Variants in DDX60L observed in about 807,000 individuals in gnomAD.
The protein encoded by DDX60L is probable ATP-dependent RNA helicase DDX60-like.
DDX60L carries 191 observed loss-of-function variants against 211.6 expected under a neutral mutation model. The ratio of observed to expected loss-of-function variants is 0.90; its 90% CI spans 0.80 to 1.02. The LOEUF is 1.02. DDX60L is among the 50% of genes least tolerant of loss of function. DDX60L has a pLI of 0.00. For missense variants in DDX60L, 2,007 were observed against 1,984.1 expected (o/e 1.01, Z -0.22); for synonymous variants, 706 against 694.1 (o/e 1.02, Z -0.27).
intron 22 of DDX60L, among the ~76,000 whole-genome samples, chr4:168,414,016 C>G (rs746456751): frequency 6.6e-6 from 1 of 152,158 alleles, no homozygotes; most frequent in Admixed American, 6.6e-5. Flanking sequence ...CACAATGGTG[C>G]TCCTATATGT....
intron 13 of DDX60L, among the ~76,000 whole-genome samples, chr4:168,429,199 C>T (rs1350226582): frequency 3.3e-5 from 5 of 152,020 alleles, no homozygotes; most frequent in Admixed American, 3.3e-4. Context: ...GGCTGGAGTG[C>T]AGTGACACGA....
At position 168,371,640 on chromosome 4, in the gene DDX60L, A is replaced by C. The variant is rs370119840; in HGVS notation, c.4900T>G (p.Cys1634Gly). The C allele has an allele frequency of 1.3e-6, 2 of 1,573,138 alleles. No homozygotes were observed. Among genetic ancestry groups the C allele is most frequent in the Non-Finnish European group, 1.7e-6 (2 of 1,158,504 alleles). Reference sequence around the variant, plus strand: ...TTTTTTTGGTCTAATCTTGTCAAGCAGTTGTGTTTATAGAAATTGAGCACA... The same window carrying C: ...TTTTTTTGGTCTAATCTTGTCAAGCCGTTGTGTTTATAGAAATTGAGCACA... ...AYVLNFYKHN[C>G]LTRLDQKNGM... The change falls in exon 36 of 38, where the codon TGC becomes GGC. Residue 1634 changes from cysteine (C) to glycine (G), a missense_variant. By Grantham distance (159) the Cys-to-Gly change is radical. Coordinates refer to ENST00000682922, the MANE Select transcript of DDX60L (RefSeq NM_001012967.3).
chr4:168,462,614 A>C (rs1757463323), intron 4 of DDX60L, among the ~76,000 whole-genome samples: 1 of 152,152 alleles, frequency 6.6e-6, no homozygotes, highest in Admixed American at 6.5e-5. Context: ...GGAGGACGAG[A>C]CCAGTCTGGC....
chr4:168,432,425 G>C (rs201596483), intron 12 of DDX60L, 30 bp downstream of exon 12: 60 of 1,303,488 alleles, frequency 4.6e-5, no homozygotes, highest in Admixed American at 6.8e-5. Context: ...ATTCATATAA[G>C]CTCTATTTTA....
intron 36 of DDX60L, chr4:168,361,417 A>G: frequency 4.5e-6 from 2 of 443,200 alleles, no homozygotes; most frequent in South Asian, 7.4e-5. Flanking sequence ...TAATTTGACC[A>G]TTATCAAAGG....
chr4:168,403,580 A>G (rs1448539022), intron 25 of DDX60L, among the ~76,000 whole-genome samples: 1 of 152,196 alleles, frequency 6.6e-6, no homozygotes, highest in Non-Finnish European at 1.5e-5. Flanking sequence ...CTCTGGGCTT[A>G]GTTTTCTTAG....
chr4:168,417,327 T>C (rs149511192), intron 19 of DDX60L, among the ~76,000 whole-genome samples: 2 of 152,298 alleles, frequency 1.3e-5, no homozygotes, highest in Non-Finnish European at 2.9e-5. Flanking sequence ...TTCCCCGCCA[T>C]GCACTCTGCT....
intron 28 of DDX60L, 43 bp downstream of exon 28, chr4:168,394,422 A>C: frequency 8.0e-7 from 1 of 1,244,312 alleles, no homozygotes; most frequent in Non-Finnish European, 1.1e-6. Flanking sequence ...CAGCATCATA[A>C]TATGCACAAC....
chr4:168,408,918 C>G (rs1748207587), intron 22 of DDX60L, among the ~76,000 whole-genome samples: 1 of 152,164 alleles, frequency 6.6e-6, no homozygotes, highest in African/African-American at 2.4e-5. Context: ...ATGAGTGTTA[C>G]AGAGAATAAA....
intron 30 of DDX60L, among the ~76,000 whole-genome samples, chr4:168,383,888 G>T (rs57612439): frequency 1.3e-5 from 2 of 152,212 alleles, no homozygotes; most frequent in East Asian, 3.9e-4. Flanking sequence ...GTCTTTGAGC[G>T]TGTTGCCAAA....
intron 1 of DDX60L, among the ~76,000 whole-genome samples, chr4:168,478,053 C>G (rs942892793): frequency 6.6e-6 from 1 of 151,438 alleles, no homozygotes; most frequent in East Asian, 1.9e-4. Context: ...CAAAATGAGA[C>G]CACATCCCTA....
chr4:168,402,213 G>A lies in DDX60L; in HGVS notation c.3339-1235C>T, dbSNP rs777421378. 2.7e-5 allele frequency among the ~76,000 whole-genome samples: 4 copies of A among 150,152 alleles called. No homozygotes were observed. In the East Asian group the frequency reaches 5.9e-4, roughly 22 times the overall value. On this transcript the variant is annotated intron_variant, in intron 25 of 37. Transcript: ENST00000682922. ...TGCACTCGCAGCTCACTGAAGCAGA[G>A]GCTATATGTCTAACTGCACTTCTAA...
intron 4 of DDX60L, chr4:168,469,359 T>C (rs1163742362): frequency 6.6e-6 from 1 of 152,102 alleles, no homozygotes; most frequent in African/African-American, 2.4e-5. Flanking sequence ...CAATCCCCCA[T>C]TCACACCACA....
At position 168,457,988 on chromosome 4, in the gene DDX60L, A is replaced by C; in HGVS notation, c.627T>G (p.Ser209Arg). The change falls in exon 6 of 38, where the codon AGT becomes AGG. Residue 209 changes from serine to arginine, a missense_variant. By Grantham distance (110) the Ser-to-Arg change is moderately radical. Coordinates refer to ENST00000682922, the MANE Select transcript of DDX60L (RefSeq NM_001012967.3). Reference sequence around the variant, plus strand: ...AGTGTTGTATGAGGCTTTTATATGCACTCTGAATCACTGTTTCATTCTGTA... The same window carrying C: ...AGTGTTGTATGAGGCTTTTATATGCCCTCTGAATCACTGTTTCATTCTGTA... ...FSKENETVIQ[S>R]AYKSLIQHLE... 6 of 1,550,238 alleles carry C rather than the reference A, an allele frequency of 3.9e-6. No homozygotes were observed. Among genetic ancestry groups the C allele is most frequent in the Non-Finnish European group, 5.3e-6 (6 of 1,142,604 alleles).
Position 168,415,447 on chromosome 4 carries a change from A to C in DDX60L, c.2940T>G (p.Phe980Leu). Residue 980 changes from phenylalanine (F) to leucine (L), a missense_variant, in exon 22 of 38, where the codon TTT (phenylalanine) becomes TTG (leucine). By Grantham distance (22) the Phe-to-Leu change is conservative. Transcript: ENST00000682922. The part of the protein sequence containing the change: ...ICSVKHDDVY[F>L]DHFHPCAALT... ...GCGCAGCACAGGGATGAAAATGATC[A>C]AAATAAACATCATCATGTTTTACTG... 2 of 1,607,972 alleles carry C rather than the reference A, an allele frequency of 1.2e-6. No individual in the cohort carries two copies. The highest frequency in any genetic ancestry group is 1.1e-5 in the South Asian group (1 of 90,172).
chr4:168,392,893 A>T (rs1315041165), intron 28 of DDX60L, among the ~76,000 whole-genome samples: 1 of 152,064 alleles, frequency 6.6e-6, no homozygotes, highest in Non-Finnish European at 1.5e-5. Context: ...ACAGTCTCAG[A>T]ATAACACTTT....
At chr4:168,445,038 C>T (rs1198777289) in intron 9 of DDX60L, among the ~76,000 whole-genome samples, 2 of 77,910 alleles carry the variant, frequency 2.6e-5, no homozygotes, top group Admixed American at 1.7e-4. Flanking sequence ...CAGAGCAGAA[C>T]TGAAGGAAAT....
intron 29 of DDX60L, 66 bp from the exon 30 acceptor site, chr4:168,384,878 T>C: frequency 6.9e-7 from 1 of 1,457,038 alleles, no homozygotes; most frequent in African/African-American, 1.4e-5. Flanking sequence ...GTCCAAAGAT[T>C]TATGACTTTA....
chr4:168,406,179 G>T (rs1164311908), intron 23 of DDX60L, 101 bp from the exon 24 acceptor site: 2 of 1,230,316 alleles, frequency 1.6e-6, no homozygotes, highest in African/African-American at 3.1e-5. Context: ...TAACAAAATT[G>T]CAAACTCCTT....
Sources: allele counts gnomAD v4.1 joint callset (sites outside exome capture counted in the v4.1 genomes callset), GRCh38; gene constraint gnomAD v4.1.1; transcripts MANE v1.5; gene names NCBI Gene and HGNC (gene_info 2026-07-23, HGNC 2026-07-21).